MTMR9: variants seen among roughly 807,000 people sequenced by gnomAD.
The protein encoded by MTMR9 is myotubularin related protein 9, also known as myotubularin-related protein 9.
Under a neutral mutation model 69.5 loss-of-function variants are expected in MTMR9, and 39 were observed. That is an observed-to-expected ratio of 0.56 (90% CI 0.43 to 0.73). The LOEUF is 0.73. Ranked by LOEUF, MTMR9 falls within the 30% of genes least tolerant of loss-of-function variation. The pLI, the probability that MTMR9 is intolerant of heterozygous loss-of-function variation, is 0.00. For synonymous variants in MTMR9, 354 were observed against 240.8 expected, an observed-to-expected ratio of 1.47 and a Z score of -4.35; for missense variants, 900 against 671.2, an observed-to-expected ratio of 1.34 and a Z score of -3.77.
intron 3 of MTMR9, among the ~76,000 whole-genome samples, chr8:11,302,604 G>A (rs1275605106): frequency 6.6e-6 from 1 of 151,950 alleles, no homozygotes; most frequent in East Asian, 1.9e-4. Flanking sequence ...ATAAAGGATG[G>A]GTACCAAAAC....
downstream of MTMR9, chr8:11,331,860 A>C (rs1801246428): frequency 6.2e-7 from 1 of 1,611,680 alleles, no homozygotes; most frequent in Admixed American, 1.7e-5. Flanking sequence ...TGACCTCCTG[A>C]GTTGGAGTTG....
At chr8:11,329,725 C>A (rs1261020743), downstream of MTMR9, among the ~76,000 whole-genome samples, 2 of 152,246 alleles carry the variant, frequency 1.3e-5, no homozygotes, top group East Asian at 3.9e-4. Context: ...CAGCCTCTGC[C>A]CGGCCGCCAC....
chr8:11,303,767 C>G (rs10099569), intron 3 of MTMR9, among the ~76,000 whole-genome samples: 55,060 of 152,022 alleles, frequency 0.36, 11,270 homozygotes, highest in East Asian at 0.7. Flanking sequence ...CTCCTGAACT[C>G]AAGCAATTTG....
At chr8:11,287,717 A>ATATATAT (rs946445463) in intron 1 of MTMR9, among the ~76,000 whole-genome samples, 4 of 136,900 alleles carry the variant, frequency 2.9e-5, no homozygotes, top group Non-Finnish European at 3.1e-5. Flanking sequence ...ATATATTATA[A>ATATATAT]TATATATTAT....
At chr8:11,285,108 G>A (rs777786347) in intron 1 of MTMR9, 38 bp downstream of exon 1, 3 of 1,498,604 alleles carry the variant, frequency 2.0e-6, no homozygotes, top group South Asian at 2.5e-5. Flanking sequence ...CAGGGAGCCG[G>A]GGGTCCCTTG....
intron 4 of MTMR9, among the ~76,000 whole-genome samples, chr8:11,305,608 C>A (rs1165030073): frequency 1.3e-5 from 2 of 152,060 alleles, no homozygotes; most frequent in Non-Finnish European, 2.9e-5. Flanking sequence ...CAAACATTTC[C>A]AGATGTATAG....
chr8:11,304,517 G>A (rs142021338), intron 3 of MTMR9, among the ~76,000 whole-genome samples: 3 of 152,156 alleles, frequency 2.0e-5, no homozygotes, highest in African/African-American at 7.2e-5. Flanking sequence ...ATGGGATACC[G>A]TGTAAAATAG....
At chr8:11,291,431 A>G (rs1326802472) in intron 1 of MTMR9, among the ~76,000 whole-genome samples, 3 of 152,160 alleles carry the variant, frequency 2.0e-5, no homozygotes, top group Admixed American at 1.3e-4. Context: ...ATAGGGATGT[A>G]TACAGGGCAT....
chr8:11,330,340 G>A (rs1348968901), downstream of MTMR9, among the ~76,000 whole-genome samples: 1 of 151,078 alleles, frequency 6.6e-6, no homozygotes, highest in Non-Finnish European at 1.5e-5. Flanking sequence ...GGAGGGAGGT[G>A]GGGGGCGCCT....
chr8:11,299,942 G>A, intron 2 of MTMR9, 81 bp from the exon 3 acceptor site: 1 of 1,500,862 alleles, frequency 6.7e-7, no homozygotes, highest in East Asian at 2.3e-5. Context: ...GACCATGTTT[G>A]CTTAATACTA....
At chr8:11,299,616 A>G (rs565637603) in intron 2 of MTMR9, among the ~76,000 whole-genome samples, 3 of 152,204 alleles carry the variant, frequency 2.0e-5, no homozygotes, top group Admixed American at 1.3e-4. Context: ...AATAATTTAC[A>G]TAAGTTTATT....
At chr8:11,321,338 G>C (rs962783724) in intron 9 of MTMR9, 3 of 450,436 alleles carry the variant, frequency 6.7e-6, no homozygotes, top group African/African-American at 6.0e-5. Context: ...TCTCTTAAAC[G>C]AGAGGTTACA....
At chr8:11,331,741 C>G (rs1340632891), downstream of MTMR9, 2 of 1,611,958 alleles carry the variant, frequency 1.2e-6, no homozygotes, top group South Asian at 1.1e-5. Context: ...GTCTATCGTT[C>G]TCTGCACTTT....
At chr8:11,289,002 T>C (rs1039976695) in intron 1 of MTMR9, among the ~76,000 whole-genome samples, 10 of 152,090 alleles carry the variant, frequency 6.6e-5, no homozygotes, top group Admixed American at 2.0e-4. Flanking sequence ...TGAAACCTCA[T>C]CTCTACTGAA....
In MTMR9 at chr8:11,323,517, A is replaced by C. The variant is rs147030705; in HGVS notation, c.*729A>C. 6.6e-6 allele frequency: 1 copy of C among 152,364 alleles called. No homozygotes were observed. The highest frequency in any genetic ancestry group is 2.4e-5 in the African/African-American group (1 of 41,590). The allele number at this position is 152,364 out of a possible 1,614,324, so 9.4% of individuals were successfully genotyped here. A position where few individuals can be genotyped will look rare whatever the true frequency, so the allele number is the denominator to read the frequency against. On this transcript the variant is annotated 3_prime_UTR_variant, in exon 10 of 10. Transcript: ENST00000221086. ...TAAAGTAGGAATTTGTTACTGATTG[A>C]GAATTGTTACTGGTGAATTGGTTTT...
At position 11,322,776 on chromosome 8, in the gene MTMR9, G is replaced by A. The variant is rs749318422; in HGVS notation, c.1638G>A (p.Gln546=). 2 of 1,613,894 alleles carry A rather than the reference G, an allele frequency of 1.2e-6. No homozygotes were observed. Among genetic ancestry groups the A allele is most frequent in the Non-Finnish European group, 1.7e-6 (2 of 1,179,906 alleles). ...LAELETEDGM[Q]ESP ...AACTGGAAACAGAGGACGGGATGCA[G>A]GAGAGTCCCTGAAAGGTCTCCTCGC... is the stretch of plus-strand genomic sequence containing the variant. Residue 546 remains glutamine, a synonymous_variant, in exon 10 of 10, where the codon CAG becomes CAA. Transcript: ENST00000221086.
the MTMR9 span, among the ~76,000 whole-genome samples, chr8:11,337,860 G>A: frequency 1.3e-5 from 2 of 152,164 alleles, no homozygotes; most frequent in African/African-American, 4.8e-5. Context: ...TTGAGGTTGA[G>A]TCTTCACAAG....
chr8:11,297,842 T>C, intron 2 of MTMR9: 1 of 456,072 alleles, frequency 2.2e-6, no homozygotes, highest in Non-Finnish European at 4.4e-6. Flanking sequence ...CTGTTAAATG[T>C]TCTTACAGCG....
At chr8:11,304,197 T>A (rs1408890453) in intron 3 of MTMR9, among the ~76,000 whole-genome samples, 1 of 152,212 alleles carries the variant, frequency 6.6e-6, no homozygotes. Flanking sequence ...ACTCCTAAGC[T>A]TAACCTTCCT....
Sources: allele counts gnomAD v4.1 joint callset (sites outside exome capture counted in the v4.1 genomes callset), GRCh38; gene constraint gnomAD v4.1.1; transcripts MANE v1.5; gene names NCBI Gene and HGNC (gene_info 2026-07-23, HGNC 2026-07-21).